ADAMTS9: variants seen among roughly 807,000 people sequenced by gnomAD.
ADAMTS9 encodes ADAM metallopeptidase with thrombospondin type 1 motif 9, also known as A disintegrin and metalloproteinase with thrombospondin motifs 9.
In ADAMTS9, 107 loss-of-function variants were observed where a neutral mutation model predicts 257.1. That is an observed-to-expected ratio of 0.42 (90% CI 0.36 to 0.49). The LOEUF (loss-of-function observed/expected upper bound fraction) is 0.49. ADAMTS9 is among the 20% of genes least tolerant of loss of function. ADAMTS9 has a pLI of 0.03. For missense variants in ADAMTS9, 2,353 were observed against 2,469.1 expected (o/e 0.95, Z 1.00); for synonymous variants, 982 against 880.9 (o/e 1.11, Z -2.03).
chr3:64,546,867 C>G lies in ADAMTS9; in HGVS notation c.4955G>C (p.Ser1652Thr). 6.2e-7 allele frequency: 1 copy of G among 1,614,120 alleles called. No homozygotes were observed. Among genetic ancestry groups the G allele is most frequent in the Non-Finnish European group, 8.5e-7 (1 of 1,179,998 alleles). Reference sequence around the variant, plus strand: ...TGGGCAGTTGATGGTGGTTTGGTAGCTGTATTCATAATTCTCCTTCCCGGT... The same window carrying G: ...TGGGCAGTTGATGGTGGTTTGGTAGGTGTATTCATAATTCTCCTTCCCGGT... ...IYTGKENYEY[S>T]YQTTINCPGT... Residue 1652 changes from serine (S) to threonine (T), a missense_variant, in exon 32 of 40, where the codon AGC becomes ACC. Transcript: ENST00000498707.
chr3:64,613,262 C>T, intron 22 of ADAMTS9, 83 bp downstream of exon 22: 3 of 1,516,898 alleles, frequency 2.0e-6, no homozygotes, highest in Non-Finnish European at 2.7e-6. Context: ...GTTAAATCTC[C>T]ACCACTGGAA....
Position 64,647,949 on chromosome 3 carries a change from C to A in ADAMTS9, c.1701G>T (p.Glu567Asp). Residue 567 changes from glutamate (E) to aspartate (D), a missense_variant, in exon 11 of 40, where the codon GAG becomes GAT. Coordinates refer to ENST00000498707, the MANE Select transcript of ADAMTS9 (RefSeq NM_182920.2). ...HTPWADGTEC[E>D]PGKHCKYGFC... ...ACAGGGCATTACTTGCCTTTCCAGGCTCGCACTCCGTCCCATCGGCCCAGG... is the reference window on the plus strand; with the variant it reads ...ACAGGGCATTACTTGCCTTTCCAGGATCGCACTCCGTCCCATCGGCCCAGG... 6.2e-7 allele frequency: 1 copy of A among 1,613,584 alleles called. No individual in the cohort carries two copies. Among genetic ancestry groups the A allele is most frequent in the African/African-American group, 1.3e-5 (1 of 75,036 alleles).
intron 28 of ADAMTS9, among the ~76,000 whole-genome samples, chr3:64,575,959 A>T (rs773281524): frequency 2.6e-5 from 4 of 152,232 alleles, no homozygotes; most frequent in Non-Finnish European, 1.5e-5. Flanking sequence ...GGAGTCTAAC[A>T]TTCTAACAGA....
intron 27 of ADAMTS9, among the ~76,000 whole-genome samples, chr3:64,595,036 C>T (rs1212341970): frequency 1.3e-5 from 2 of 152,120 alleles, no homozygotes; most frequent in African/African-American, 2.4e-5. Context: ...ATCCTCCCAC[C>T]TCGGCCTCCC....
At chr3:64,628,714 C>T (rs948688605) in intron 16 of ADAMTS9, among the ~76,000 whole-genome samples, 5 of 152,184 alleles carry the variant, frequency 3.3e-5, no homozygotes, top group Non-Finnish European at 4.4e-5. Flanking sequence ...TAAGGCTTTA[C>T]GGCCCTTGAA....
Position 64,687,068 on chromosome 3 carries a change from C to T in ADAMTS9, c.116-100G>A. 2 of 1,397,094 alleles carry T rather than the reference C, an allele frequency of 1.4e-6. No homozygotes were observed. Among genetic ancestry groups the T allele is most frequent in the Non-Finnish European group, 1.9e-6 (2 of 1,029,816 alleles). The allele number at this position is 1,397,094 out of a possible 1,614,324, so 86.5% of individuals were successfully genotyped here. ...ACTTTGTTCTGACCTTATTTTCCAG[C>T]CCATTCGAGTCAATCCCTTCACCCT... On this transcript the variant is annotated intron_variant, in intron 1 of 39. Coordinates refer to ENST00000498707, the MANE Select transcript of ADAMTS9 (RefSeq NM_182920.2). The surrounding 1 kb of genome is among the most constrained non-coding windows in gnomAD (Gnocchi z 4.4).
In ADAMTS9 at chr3:64,615,374, G is replaced by T; in HGVS notation, c.3136C>A (p.Gln1046Lys). ...GGACAAGGGAACTCACTGCACCTCT[G>T]AATGGTAACTTTCTCTTGATGTGTG... ...KCTHQEKVTI[Q>K]RCSEFPCPQW... Residue 1046 changes from glutamine (Q) to lysine (K), a missense_variant, in exon 21 of 40, where the codon CAG (glutamine) becomes AAG (lysine). By Grantham distance (53) the Gln-to-Lys change is moderately conservative. This residue lies in a region of ADAMTS9 where 1,402 missense variants were observed against 1,441.4 expected (regional missense o/e 0.97). Transcript: ENST00000498707. 1 of 1,614,044 alleles carries T rather than the reference G, an allele frequency of 6.2e-7. No individual in the cohort carries two copies. The highest frequency in any genetic ancestry group is 8.5e-7 in the Non-Finnish European group (1 of 1,179,950).
Position 64,622,268 on chromosome 3 carries a change from A to C in ADAMTS9, c.2616T>G (p.Ile872Met). The change falls in exon 18 of 40, where the codon ATT becomes ATG. Residue 872 changes from isoleucine (I) to methionine (M), a missense_variant. Around this residue, in one of 3 missense-constraint regions of ADAMTS9, gnomAD observed 1,402 missense variants for 1,441.4 expected, o/e 0.97. Transcript: ENST00000498707. Reference sequence around the variant, plus strand: ...AGTAAAACTGCTGAGGTTTATCTTCAATTGGAATATTGAAAGAATAGCGTA... The same window carrying C: ...AGTAAAACTGCTGAGGTTTATCTTCCATTGGAATATTGAAAGAATAGCGTA... ...PDVRYSFNIP[I>M]EDKPQQFYWN... 6.2e-7 allele frequency: 1 copy of C among 1,613,928 alleles called. No individual in the cohort carries two copies. Among genetic ancestry groups the C allele is most frequent in the Non-Finnish European group, 8.5e-7 (1 of 1,179,946 alleles).
At chr3:64,564,316 TC>T (rs2083485273) in intron 29 of ADAMTS9, among the ~76,000 whole-genome samples, 1 of 152,184 alleles carries the variant, frequency 6.6e-6, no homozygotes, top group Admixed American at 6.5e-5. Context: ...GATGCTTATT[TC>T]CATAGAGAGA....
chr3:64,660,653 C>T (rs537288242), intron 3 of ADAMTS9, among the ~76,000 whole-genome samples: 3 of 152,062 alleles, frequency 2.0e-5, no homozygotes, highest in South Asian at 2.1e-4. Flanking sequence ...GTGATCAGAT[C>T]GACTGTCAAG....
At chr3:64,579,902 C>T (rs549923099) in intron 28 of ADAMTS9, among the ~76,000 whole-genome samples, 4 of 152,182 alleles carry the variant, frequency 2.6e-5, no homozygotes, top group African/African-American at 4.8e-5. Context: ...CTAAAGGGAA[C>T]ATTATCTGAG....
chr3:64,640,890 T>C lies in ADAMTS9; in HGVS notation c.1856+958A>G, dbSNP rs558684523. Among the ~76,000 whole-genome samples the C allele has an allele frequency of 2.9e-3, 444 of 152,250 alleles. 2 individuals carry two copies. Among genetic ancestry groups the C allele is most frequent in the Non-Finnish European group, 4.7e-3 (323 of 68,024 alleles). On this transcript the variant is annotated intron_variant, in intron 12 of 39. Coordinates refer to ENST00000498707, the MANE Select transcript of ADAMTS9 (RefSeq NM_182920.2). ...TGCTGGGAAAAAAGTCCATGGACTTTATTTAAACATGTCAGTCCTAACAAG... is the reference window on the plus strand; with the variant it reads ...TGCTGGGAAAAAAGTCCATGGACTTCATTTAAACATGTCAGTCCTAACAAG...
intron 28 of ADAMTS9, among the ~76,000 whole-genome samples, chr3:64,585,179 A>T (rs1300436949): frequency 6.6e-6 from 1 of 152,192 alleles, no homozygotes; most frequent in Non-Finnish European, 1.5e-5. Context: ...CAGGTTTTTC[A>T]CTTAAAATGT....
intron 16 of ADAMTS9, among the ~76,000 whole-genome samples, chr3:64,623,705 G>A (rs955692548): frequency 1.3e-5 from 2 of 152,062 alleles, no homozygotes; most frequent in African/African-American, 4.8e-5. Context: ...CTCTCTATCC[G>A]CTTTCTCATC....
chr3:64,518,962 G>C (rs55741306), intron 39 of ADAMTS9, among the ~76,000 whole-genome samples: 2,430 of 151,880 alleles, frequency 0.016, 53 homozygotes, highest in African/African-American at 0.056. Context: ...ATTTATAGTA[G>C]AGATGGGGTT....
At chr3:64,614,745 C>T (rs1021959524) in intron 21 of ADAMTS9, 1 of 152,106 alleles carries the variant, frequency 6.6e-6, no homozygotes, top group Admixed American at 6.6e-5. Context: ...CTGGGACCAT[C>T]TGTGCTAAGC....
At chr3:64,682,494 C>G (rs1264432853) in intron 2 of ADAMTS9, among the ~76,000 whole-genome samples, 1 of 152,162 alleles carries the variant, frequency 6.6e-6, no homozygotes, top group Non-Finnish European at 1.5e-5. Flanking sequence ...ACCACCCAAA[C>G]TAAAAATTAC....
At chr3:64,643,651 G>T (rs939821040) in intron 11 of ADAMTS9, among the ~76,000 whole-genome samples, 1 of 151,530 alleles carries the variant, frequency 6.6e-6, no homozygotes, top group Non-Finnish European at 1.5e-5. Flanking sequence ...ACAGTTAGGG[G>T]TGGGGGTCTT....
intron 37 of ADAMTS9, among the ~76,000 whole-genome samples, chr3:64,538,436 C>T (rs1465259602): frequency 6.6e-6 from 1 of 150,952 alleles, no homozygotes. Flanking sequence ...TTCATGCTTA[C>T]TCTGAAAAAT....
Sources: allele counts gnomAD v4.1 joint callset (sites outside exome capture counted in the v4.1 genomes callset), GRCh38; gene constraint gnomAD v4.1.1; regional missense constraint gnomAD v4.1.1; non-coding constraint Gnocchi (gnomAD v3.1); transcripts MANE v1.5; gene names NCBI Gene and HGNC (gene_info 2026-07-23, HGNC 2026-07-21).